The following SLC7A2 variants were observed in gnomAD, a reference collection of about 807,000 sequenced individuals.
The protein encoded by SLC7A2 is cationic amino acid transporter 2.
Under a neutral mutation model 58.9 loss-of-function variants are expected in SLC7A2, and 48 were observed. The observed-to-expected ratio is 0.82, with a 90% CI of 0.65 to 1.04. The LOEUF (loss-of-function observed/expected upper bound fraction) is 1.04. SLC7A2 is among the 50% of genes least tolerant of loss of function. The pLI is 0.00. For synonymous variants in SLC7A2, 363 were observed against 314.5 expected, an observed-to-expected ratio of 1.15 and a Z score of -1.63; for missense variants, 1,029 against 818.8, an observed-to-expected ratio of 1.26 and a Z score of -3.13.
At chr8:17,539,153 A>C (rs1483064717) in intron 2 of SLC7A2, among the ~76,000 whole-genome samples, 1 of 152,238 alleles carries the variant, frequency 6.6e-6, no homozygotes, top group African/African-American at 2.4e-5. Flanking sequence ...CATCAGGGTT[A>C]GGGATTTACT....
intron 4 of SLC7A2, among the ~76,000 whole-genome samples, chr8:17,548,328 G>T (rs567759601): frequency 6.6e-6 from 1 of 152,180 alleles, no homozygotes; most frequent in Non-Finnish European, 1.5e-5. Context: ...GAAACAGAGC[G>T]AGACTCTGTC....
chr8:17,536,544 AAAAC>A (rs1288835704), intron 2 of SLC7A2, among the ~76,000 whole-genome samples: 1 of 152,236 alleles, frequency 6.6e-6, no homozygotes, highest in Non-Finnish European at 1.5e-5. Flanking sequence ...AGCCTGCCAC[AAAAC>A]AAACAAACGA....
intron 5 of SLC7A2, among the ~76,000 whole-genome samples, chr8:17,550,001 T>C (rs932948171): frequency 6.6e-6 from 1 of 152,162 alleles, no homozygotes; most frequent in Admixed American, 6.5e-5. Flanking sequence ...ATGGCTCGTA[T>C]GTGGAATCTC....
intron 2 of SLC7A2, among the ~76,000 whole-genome samples, chr8:17,540,171 G>C (rs758352947): frequency 5.3e-5 from 8 of 152,092 alleles, no homozygotes; most frequent in Non-Finnish European, 1.0e-4. Flanking sequence ...GTTTAAAAAT[G>C]ACTCATTAAA....
chr8:17,559,581 C>T (rs896403495), intron 9 of SLC7A2, among the ~76,000 whole-genome samples: 2 of 152,056 alleles, frequency 1.3e-5, no homozygotes, highest in Non-Finnish European at 2.9e-5. Context: ...AAAAACATAA[C>T]AAAACGAAAG....
chr8:17,511,142 C>G (rs1403076067), intron 2 of SLC7A2: 2 of 152,060 alleles, frequency 1.3e-5, no homozygotes, highest in African/African-American at 4.8e-5. Context: ...GCACAAATAG[C>G]TAATGCATGC....
chr8:17,555,052 G>T (rs769912821), intron 8 of SLC7A2: 1 of 1,613,970 alleles, frequency 6.2e-7, no homozygotes, highest in South Asian at 1.1e-5. Context: ...GTCACCAGTT[G>T]CTGCCACGTT....
At chr8:17,552,246 GAC>G (rs141193257) in intron 7 of SLC7A2, among the ~76,000 whole-genome samples, 2 of 150,674 alleles carry the variant, frequency 1.3e-5, no homozygotes, top group African/African-American at 2.4e-5. Flanking sequence ...GATACACACA[GAC>G]ACACACACAC....
At chr8:17,560,279 G>C in intron 9 of SLC7A2, 49 bp from the exon 10 acceptor site, 1 of 1,468,420 alleles carries the variant, frequency 6.8e-7, no homozygotes, top group South Asian at 1.1e-5. Context: ...TTTCACTTGG[G>C]CCAAATGTCT....
At chr8:17,515,247 T>A (rs1054244563) in intron 2 of SLC7A2, among the ~76,000 whole-genome samples, 3 of 152,128 alleles carry the variant, frequency 2.0e-5, no homozygotes, top group Admixed American at 6.6e-5. Flanking sequence ...TGGTTTTTAA[T>A]TTTTTAGTCC....
chr8:17,559,772 T>A (rs1165959829), intron 9 of SLC7A2, among the ~76,000 whole-genome samples: 2 of 152,080 alleles, frequency 1.3e-5, no homozygotes, highest in African/African-American at 4.8e-5. Context: ...ACGGCTGATG[T>A]CTTGATATAA....
At chr8:17,539,253 G>A (rs1801805793) in intron 2 of SLC7A2, among the ~76,000 whole-genome samples, 1 of 152,124 alleles carries the variant, frequency 6.6e-6, no homozygotes, top group African/African-American at 2.4e-5. Context: ...AAGGAATTTA[G>A]CTTTTTGGCA....
intron 4 of SLC7A2, among the ~76,000 whole-genome samples, chr8:17,548,029 G>A (rs1484190835): frequency 6.6e-6 from 1 of 152,124 alleles, no homozygotes; most frequent in African/African-American, 2.4e-5. Flanking sequence ...AAATGTTTTA[G>A]CGTTTACTTT....
rs190027672 is a variant in SLC7A2, at chr8:17,544,396, A to T, written c.377-55A>T. On this transcript the variant is annotated intron_variant, in intron 3 of 12. Coordinates refer to ENST00000494857, the MANE Select transcript of SLC7A2 (RefSeq NM_001370338.1). Reference sequence around the variant, plus strand: ...TTATCCTATAATAGAGTAGCAAATGATGCTACTTTAATTTGCCCCCAGTGA... The same window carrying T: ...TTATCCTATAATAGAGTAGCAAATGTTGCTACTTTAATTTGCCCCCAGTGA... The T allele has an allele frequency of 5.5e-5, 81 of 1,484,398 alleles. No homozygotes were observed. The African/African-American group carries it at 8.3e-4, about 15-fold the overall frequency. The allele number at this position is 1,484,398 out of a possible 1,614,324, so 92.0% of individuals were successfully genotyped here.
At chr8:17,515,618 G>A (rs895974512) in intron 2 of SLC7A2, among the ~76,000 whole-genome samples, 1 of 152,088 alleles carries the variant, frequency 6.6e-6, no homozygotes, top group Non-Finnish European at 1.5e-5. Context: ...TGAAGGATGG[G>A]GATGTTGAGT....
At chr8:17,494,179 T>C (rs1298212277), upstream of SLC7A2, among the ~76,000 whole-genome samples, 1 of 152,210 alleles carries the variant, frequency 6.6e-6, no homozygotes, top group Non-Finnish European at 1.5e-5. Flanking sequence ...TAAGAATCCA[T>C]TCCTTCAGTC....
rs79137090 is a variant in SLC7A2 at position 17,535,438 on chromosome 8, A to G, written c.-22-7880A>G. Among the ~76,000 whole-genome samples, 944 of 152,178 alleles carry G rather than the reference A, an allele frequency of 6.2e-3. 17 individuals are homozygous for G. The highest frequency in any genetic ancestry group is 0.021 in the African/African-American group (866 of 41,524). On this transcript the variant is annotated intron_variant, in intron 2 of 12. Coordinates refer to ENST00000494857, the MANE Select transcript of SLC7A2 (RefSeq NM_001370338.1). ...GCCCTTGCAGTGCCCTGCTTCCCCT[A>G]TGCACAAGTATAGCTGTCTCATATT...
chr8:17,533,516 T>A (rs1198072233), intron 2 of SLC7A2, among the ~76,000 whole-genome samples: 1 of 152,176 alleles, frequency 6.6e-6, no homozygotes, highest in Non-Finnish European at 1.5e-5. Flanking sequence ...TTAATTAAAT[T>A]AGGTAACTTT....
At chr8:17,520,421 A>G (rs1585201366) in intron 2 of SLC7A2, among the ~76,000 whole-genome samples, 1 of 151,844 alleles carries the variant, frequency 6.6e-6, no homozygotes, top group African/African-American at 2.4e-5. Context: ...TGGGCGGATC[A>G]CCCGAGGTTG....
Sources: gnomAD v4.1 joint callset for allele counts (sites outside exome capture counted in the v4.1 genomes callset) on GRCh38, gnomAD v4.1.1 for gene constraint, MANE v1.5 for transcripts, NCBI Gene and HGNC (gene_info 2026-07-23, HGNC 2026-07-21) for gene names.